The following COL23A1 variants were observed in gnomAD, a reference collection of about 807,000 sequenced individuals.
COL23A1 encodes collagen alpha-1(XXIII) chain.
A neutral mutation model predicts 99.3 loss-of-function variants in COL23A1; 97 were observed. The observed-to-expected ratio is 0.98, with a 90% CI of 0.83 to 1.16. The LOEUF (loss-of-function observed/expected upper bound fraction) is 1.16. Ranked by LOEUF, COL23A1 falls within the 50% of genes most tolerant of loss-of-function variation. The pLI is 0.00. For synonymous variants in COL23A1, 320 were observed against 308.2 expected, an observed-to-expected ratio of 1.04 and a Z score of -0.40; for missense variants, 762 against 757.4, an observed-to-expected ratio of 1.01 and a Z score of -0.07.
chr5:178,261,889 G>T, intron 10 of COL23A1, 141 bp from the exon 11 acceptor site: 1 of 753,278 alleles, frequency 1.3e-6, no homozygotes, highest in Non-Finnish European at 2.2e-6. Context: ...GCAGGCTGGA[G>T]CTGCCCACCC....
chr5:178,497,328 G>A (rs1397506162), intron 2 of COL23A1, among the ~76,000 whole-genome samples: 2 of 152,202 alleles, frequency 1.3e-5, no homozygotes, highest in Non-Finnish European at 2.9e-5. Flanking sequence ...CAGCTTTGCT[G>A]CATCAAGATC....
At position 178,303,645 on chromosome 5, in the gene COL23A1, C is replaced by G. The variant is rs112939939; in HGVS notation, c.406+3230G>C. Among the ~76,000 whole-genome samples the G allele has an allele frequency of 1.2e-3, 179 of 152,338 alleles. 1 individual carries two copies. Among genetic ancestry groups the G allele is most frequent in the African/African-American group, 4.0e-3 (168 of 41,582 alleles). The stretch of plus-strand genomic sequence containing the variant: ...GCTGCGGAGACCCGGGAAGTGCCTC[C>G]GTTTGTCTCTGTAGGTTTGTGTAGG... On this transcript the variant is annotated intron_variant, in intron 3 of 28. Transcript: ENST00000390654.
rs959566499 is a variant in COL23A1 at position 178,428,547 on chromosome 5, C to A, written c.362-121628G>T. Among the ~76,000 whole-genome samples the A allele has an allele frequency of 2.0e-5, 3 of 152,206 alleles. No individual in the cohort carries two copies. Among genetic ancestry groups the A allele is most frequent in the Non-Finnish European group, 4.4e-5 (3 of 68,034 alleles). On this transcript the variant is annotated intron_variant, in intron 2 of 28. Coordinates refer to ENST00000390654, the MANE Select transcript of COL23A1 (RefSeq NM_173465.4). This position sits in a 1 kb window ranked among gnomAD's most constrained non-coding sequence, Gnocchi z 5.0. ...CCAGGAGCCGCGGCAGGGTGCCCAG[C>A]GGGGCCTCTTGGATGCTCCTCCTGG...
At chr5:178,493,975 G>A (rs113801001) in intron 2 of COL23A1, among the ~76,000 whole-genome samples, 92 of 151,534 alleles carry the variant, frequency 6.1e-4, no homozygotes, top group African/African-American at 1.7e-3. Flanking sequence ...AGCCACTAGC[G>A]TGAATGTAGC....
chr5:178,466,069 A>G (rs979821249), intron 2 of COL23A1, among the ~76,000 whole-genome samples: 1 of 152,044 alleles, frequency 6.6e-6, no homozygotes. Context: ...AACGACCCCC[A>G]TGAATCTCAT....
chr5:178,358,405 G>GTGTGTA (rs1430779409), intron 2 of COL23A1, among the ~76,000 whole-genome samples: 1 of 123,520 alleles, frequency 8.1e-6, no homozygotes, highest in Admixed American at 8.7e-5. Context: ...GTATGTGTAT[G>GTGTGTA]TGTGTATGTG....
At chr5:178,297,904 T>C (rs993915997) in intron 3 of COL23A1, among the ~76,000 whole-genome samples, 5 of 152,190 alleles carry the variant, frequency 3.3e-5, no homozygotes, top group Non-Finnish European at 5.9e-5. Context: ...CCACAGCCTC[T>C]GGAGATGGAC....
chr5:178,478,772 C>A (rs1581467683), intron 2 of COL23A1, among the ~76,000 whole-genome samples: 1 of 152,182 alleles, frequency 6.6e-6, no homozygotes, highest in Non-Finnish European at 1.5e-5. Context: ...AGGAAAGACA[C>A]TGATGGGCCT....
chr5:178,410,426 AAAG>A (rs1288573729), intron 2 of COL23A1, among the ~76,000 whole-genome samples: 1 of 152,236 alleles, frequency 6.6e-6, no homozygotes, highest in Non-Finnish European at 1.5e-5. Flanking sequence ...TAATCTTGAA[AAAG>A]AAGAACAAAG....
chr5:178,478,764 G>A (rs1248365269), intron 2 of COL23A1, among the ~76,000 whole-genome samples: 4 of 152,196 alleles, frequency 2.6e-5, no homozygotes, highest in Non-Finnish European at 4.4e-5. Context: ...AAGTAGCCAG[G>A]AAAGACACTG....
chr5:178,564,798 T>C (rs1313739893), intron 1 of COL23A1, among the ~76,000 whole-genome samples: 3 of 152,198 alleles, frequency 2.0e-5, no homozygotes, highest in Non-Finnish European at 2.9e-5. Context: ...TTTGATCACA[T>C]CCTTAAGTGG....
At chr5:178,502,478 T>C (rs1455672988) in intron 2 of COL23A1, among the ~76,000 whole-genome samples, 1 of 152,156 alleles carries the variant, frequency 6.6e-6, no homozygotes, top group Non-Finnish European at 1.5e-5. Flanking sequence ...GTGACACACA[T>C]ACACTCTAAA....
intron 2 of COL23A1, among the ~76,000 whole-genome samples, chr5:178,337,650 G>A (rs1760418387): frequency 6.6e-6 from 1 of 151,942 alleles, no homozygotes; most frequent in South Asian, 2.1e-4. Flanking sequence ...AGGAGGTTGG[G>A]GACACTCAGG....
chr5:178,534,210 G>C (rs780734703), intron 2 of COL23A1, among the ~76,000 whole-genome samples: 40 of 152,124 alleles, frequency 2.6e-4, no homozygotes, highest in Non-Finnish European at 5.0e-4. Context: ...GCCAGTGAGG[G>C]TCTGAGTCCT....
intron 2 of COL23A1, among the ~76,000 whole-genome samples, chr5:178,321,614 C>T (rs181077064): frequency 4.0e-5 from 6 of 151,364 alleles, no homozygotes; most frequent in South Asian, 2.1e-4. Flanking sequence ...CTCAGCCTCC[C>T]GAGTAGCTGG....
chr5:178,355,343 G>A (rs1222785183), intron 2 of COL23A1, among the ~76,000 whole-genome samples: 1 of 152,164 alleles, frequency 6.6e-6, no homozygotes, highest in Non-Finnish European at 1.5e-5. Context: ...CCAGATTTGG[G>A]TATCTGCAGG....
chr5:178,414,196 C>T (rs1303530089), intron 2 of COL23A1, among the ~76,000 whole-genome samples: 4 of 152,132 alleles, frequency 2.6e-5, no homozygotes, highest in Non-Finnish European at 5.9e-5. Flanking sequence ...CTGTGCTGGG[C>T]CAGCATCAGC....
At position 178,387,636 on chromosome 5, in the gene COL23A1, C is replaced by T. The variant is rs1195417843; in HGVS notation, c.362-80717G>A. ...ACCAATAACTTCTAGAGGCTCATGA[C>T]CATTTACCTTTTATCCCCAGTACGA... is the stretch of plus-strand genomic sequence containing the variant. On this transcript the variant is annotated intron_variant, in intron 2 of 28. Transcript: ENST00000390654. The surrounding 1 kb of genome is among the most constrained non-coding windows in gnomAD (Gnocchi z 4.7). Among the ~76,000 whole-genome samples, 2 of 152,302 alleles carry T rather than the reference C, an allele frequency of 1.3e-5. No homozygotes were observed. Among genetic ancestry groups the T allele is most frequent in the African/African-American group, 4.8e-5 (2 of 41,556 alleles).
intron 1 of COL23A1, among the ~76,000 whole-genome samples, chr5:178,582,523 C>A (rs1340814293): frequency 6.6e-6 from 1 of 152,170 alleles, no homozygotes; most frequent in Non-Finnish European, 1.5e-5. Context: ...CACATCCACA[C>A]TTCGCGAGGT....
Sources: gnomAD v4.1 joint callset for allele counts (sites outside exome capture counted in the v4.1 genomes callset) on GRCh38, gnomAD v4.1.1 for gene constraint, Gnocchi (gnomAD v3.1) non-coding constraint, MANE v1.5 for transcripts, NCBI Gene and HGNC (gene_info 2026-07-23, HGNC 2026-07-21) for gene names.